Variants in XPO4 observed in about 807,000 individuals in gnomAD.
XPO4 encodes exportin-4.
In XPO4, 39 loss-of-function variants were observed where a neutral mutation model predicts 143.0. The observed-to-expected ratio is 0.27, with a 90% confidence interval of 0.21 to 0.36. The LOEUF (loss-of-function observed/expected upper bound fraction) is 0.36. Ranked by LOEUF, XPO4 falls within the 10% of genes least tolerant of loss-of-function variation. The pLI is 1.00. For missense variants in XPO4, 907 were observed against 1,348.0 expected, an observed-to-expected ratio of 0.67 and a Z score of 5.12; for synonymous variants, 439 against 474.0, an observed-to-expected ratio of 0.93 and a Z score of 0.96.
chr13:20,868,783 G>A, intron 1 of XPO4, 82 bp from the exon 2 acceptor site: 2 of 1,321,418 alleles, frequency 1.5e-6, no homozygotes, highest in Non-Finnish European at 2.1e-6. Context: ...CACAAGAACA[G>A]AAAATGCCTT....
intron 21 of XPO4, 141 bp downstream of exon 21, chr13:20,787,340 G>GAA: frequency 1.2e-6 from 1 of 802,386 alleles, no homozygotes; most frequent in Non-Finnish European, 2.0e-6. Context: ...CTGATCTCCA[G>GAA]AAAAAAACAG....
intron 3 of XPO4, among the ~76,000 whole-genome samples, chr13:20,860,889 T>C (rs929288602): frequency 6.6e-6 from 1 of 152,010 alleles, no homozygotes; most frequent in African/African-American, 2.4e-5. Context: ...GCAACACTAA[T>C]AGGCTACAGA....
At chr13:20,879,326 G>T in intron 1 of XPO4, 1 of 984,948 alleles carries the variant, frequency 1.0e-6, no homozygotes, top group Non-Finnish European at 1.2e-6. Flanking sequence ...AAGGGAGAAG[G>T]GAGGGAAGGA....
chr13:20,829,973 T>C (rs1366671208), intron 6 of XPO4, among the ~76,000 whole-genome samples: 1 of 152,258 alleles, frequency 6.6e-6, no homozygotes, highest in Non-Finnish European at 1.5e-5. Flanking sequence ...ATCAATTATT[T>C]ACATTAAGGG....
Position 20,861,132 on chromosome 13 carries a change from A to AT in XPO4, c.317+1584dup, listed in dbSNP as rs1390021430. Among the ~76,000 whole-genome samples the AT allele has an allele frequency of 8.5e-5, 13 of 152,068 alleles. 1 individual carries two copies. The highest frequency in any genetic ancestry group is 7.4e-5 in the Non-Finnish European group (5 of 68,016). ...CACACATTTCTGATTACATAACAAA[A>AT]TTTTTTCTTTAATGACTTTGGAAAT... On this transcript the variant is annotated intron_variant, in intron 3 of 22. Transcript: ENST00000255305.
chr13:20,847,706 C>T (rs1422882041), intron 4 of XPO4, among the ~76,000 whole-genome samples: 3 of 151,978 alleles, frequency 2.0e-5, no homozygotes, highest in Non-Finnish European at 2.9e-5. Context: ...TTAAGACAGC[C>T]GGAAACAAAA....
At chr13:20,804,084 A>G (rs1261500450) in intron 13 of XPO4, among the ~76,000 whole-genome samples, 3 of 151,880 alleles carry the variant, frequency 2.0e-5, no homozygotes, top group Admixed American at 1.3e-4. Flanking sequence ...AAACCCTTGT[A>G]GCAAAGCCCA....
intron 1 of XPO4, among the ~76,000 whole-genome samples, chr13:20,875,972 A>G (rs933020957): frequency 1.8e-4 from 28 of 151,990 alleles, no homozygotes; most frequent in African/African-American, 6.5e-4. Context: ...AAAAGAGGCT[A>G]GGCGAGGTGG....
At chr13:20,850,293 A>G (rs1261860957) in intron 4 of XPO4, 2 of 974,038 alleles carry the variant, frequency 2.1e-6, no homozygotes, top group South Asian at 4.7e-5. Flanking sequence ...ATAGAAGTGA[A>G]TATTATCACA....
chr13:20,854,233 C>T (rs1436783387), intron 4 of XPO4, among the ~76,000 whole-genome samples: 1 of 152,216 alleles, frequency 6.6e-6, no homozygotes, highest in Non-Finnish European at 1.5e-5. Context: ...TGGGTCTAGA[C>T]TCCTGAGGTA....
At chr13:20,875,791 T>C (rs1191004817) in intron 1 of XPO4, among the ~76,000 whole-genome samples, 1 of 152,186 alleles carries the variant, frequency 6.6e-6, no homozygotes, top group Non-Finnish European at 1.5e-5. Context: ...AAAATGCTGC[T>C]AATGAATTCA....
rs545939687 is a variant in XPO4 at position 20,803,752 on chromosome 13, C to T, written c.1818-2762G>A. Among the ~76,000 whole-genome samples, 27 of 152,268 alleles carry T rather than the reference C, an allele frequency of 1.8e-4. No homozygotes were observed. The highest frequency in any genetic ancestry group is 6.3e-4 in the African/African-American group (26 of 41,544). On this transcript the variant is annotated intron_variant, in intron 13 of 22. Transcript: ENST00000255305. The surrounding 1 kb of genome is among the most constrained non-coding windows in gnomAD (Gnocchi z 4.1). ...CGCCCTGCCCTCCTGGGTCACACAC[C>T]AGCCACACCTAAGTTCTTCTCACTT...
rs373913195 is a variant in XPO4 at position 20,796,187 on chromosome 13, G to A, written c.2686C>T (p.Arg896Trp). ...TCTGCTGTAACATCTATTCTTTGCC[G>A]CCCTAAATTATTCTTAGAATACACT... is the stretch of plus-strand genomic sequence containing the variant. The part of the protein sequence containing the change: ...LQVYSKNNLG[R>W]QRIDVTAEEE... Residue 896 changes from arginine (R) to tryptophan (W), a missense_variant, in exon 18 of 23, where the codon CGG becomes TGG. Physicochemically the swap from Arg to Trp is moderately radical, Grantham distance 101 (BLOSUM62 -3). Coordinates refer to ENST00000255305, the MANE Select transcript of XPO4 (RefSeq NM_022459.5). 2.2e-5 allele frequency: 36 copies of A among 1,611,730 alleles called. No homozygotes were observed. The highest frequency in any genetic ancestry group is 2.7e-5 in the Non-Finnish European group (32 of 1,179,546).
intron 1 of XPO4, among the ~76,000 whole-genome samples, chr13:20,871,067 C>A (rs1460425165): frequency 1.2e-4 from 18 of 152,192 alleles, no homozygotes; most frequent in Admixed American, 1.1e-3. Flanking sequence ...CTTGGCCTCC[C>A]AAAGTGCTAG....
intron 5 of XPO4, among the ~76,000 whole-genome samples, chr13:20,843,554 T>C (rs959101349): frequency 3.3e-5 from 5 of 152,252 alleles, no homozygotes; most frequent in African/African-American, 1.2e-4. Context: ...TATAGAAGTA[T>C]TGTTTTTAAG....
At chr13:20,795,525 AGG>A (rs1457773220) in intron 18 of XPO4, among the ~76,000 whole-genome samples, 1 of 152,198 alleles carries the variant, frequency 6.6e-6, no homozygotes, top group African/African-American at 2.4e-5. Flanking sequence ...GTGAGACACT[AGG>A]CTAGGTCTTC....
At chr13:20,875,828 T>C (rs2138147972) in intron 1 of XPO4, among the ~76,000 whole-genome samples, 1 of 152,254 alleles carries the variant, frequency 6.6e-6, no homozygotes, top group South Asian at 2.1e-4. Context: ...AGAACTGCAC[T>C]AGCATACAGG....
intron 13 of XPO4, among the ~76,000 whole-genome samples, chr13:20,804,248 T>C (rs552987267): frequency 1.8e-3 from 273 of 150,730 alleles, no homozygotes; most frequent in African/African-American, 6.0e-3. Flanking sequence ...TATATATATA[T>C]ACACACACAC....
At chr13:20,853,421 G>A (rs1016291981) in intron 4 of XPO4, among the ~76,000 whole-genome samples, 20 of 151,638 alleles carry the variant, frequency 1.3e-4, no homozygotes, top group Admixed American at 1.1e-3. Flanking sequence ...GGTGGGAGGT[G>A]GGAGGATTGG....
Sources: gnomAD v4.1 joint callset for allele counts (sites outside exome capture counted in the v4.1 genomes callset) on GRCh38, gnomAD v4.1.1 for gene constraint, Gnocchi (gnomAD v3.1) non-coding constraint, MANE v1.5 for transcripts, NCBI Gene and HGNC (gene_info 2026-07-23, HGNC 2026-07-21) for gene names.